The following DCAF6 variants were observed in gnomAD, a reference collection of about 807,000 sequenced individuals.
The protein encoded by DCAF6 is DDB1 and CUL4 associated factor 6.
Under a neutral mutation model 125.1 loss-of-function variants are expected in DCAF6, and 54 were observed. The ratio of observed to expected loss-of-function variants is 0.43; its 90% CI spans 0.35 to 0.54. The LOEUF is 0.54. Ranked by LOEUF, DCAF6 falls within the 20% of genes least tolerant of loss-of-function variation. The pLI is 0.01. For synonymous variants in DCAF6, 371 were observed against 390.4 expected (o/e 0.95, Z 0.58); for missense variants, 934 against 1,161.7 (o/e 0.80, Z 2.85).
intron 10 of DCAF6, among the ~76,000 whole-genome samples, chr1:168,009,144 G>A (rs1007376658): frequency 6.6e-5 from 10 of 150,908 alleles, no homozygotes; most frequent in South Asian, 2.1e-4. Flanking sequence ...GACTACAGGC[G>A]CCTGCCACCA....
chr1:167,893,390 A>G, the DCAF6 span, among the ~76,000 whole-genome samples: 1 of 152,152 alleles, frequency 6.6e-6, no homozygotes, highest in Non-Finnish European at 1.5e-5. Flanking sequence ...GATTTGAACA[A>G]TGAATTTCAC....
At chr1:167,898,170 T>G in the DCAF6 span, among the ~76,000 whole-genome samples, 1 of 151,746 alleles carries the variant, frequency 6.6e-6, no homozygotes, top group East Asian at 1.9e-4. Context: ...TTTTGACTAT[T>G]GCAGTCTTGT....
upstream of DCAF6, among the ~76,000 whole-genome samples, chr1:167,934,356 AC>A (rs1375970195): frequency 1.4e-4 from 21 of 152,152 alleles, no homozygotes; most frequent in African/African-American, 5.1e-4. Context: ...CATTCAGTTG[AC>A]TCTGTAAAGC....
intron 12 of DCAF6, among the ~76,000 whole-genome samples, chr1:168,032,504 C>T (rs1313413944): frequency 6.6e-6 from 1 of 152,154 alleles, no homozygotes; most frequent in East Asian, 1.9e-4. Context: ...AGAAATTTGC[C>T]TTTTCTATAC....
In DCAF6 at chr1:168,038,594, A is replaced by G; in HGVS notation, c.1727+106A>G. On this transcript the variant is annotated intron_variant, in intron 13 of 21. Coordinates refer to ENST00000367840, the MANE Select transcript of DCAF6 (RefSeq NM_001198956.2). The stretch of plus-strand genomic sequence containing the variant: ...TTTATGTTTTGTTTTGCTATAAGGT[A>G]TTGGTTTTCAAACTTGAGTGTGCTT... The G allele has an allele frequency of 5.1e-6, 4 of 784,054 alleles. No homozygotes were observed. In the South Asian group the frequency reaches 7.5e-5, roughly 15 times the overall value. 48.6% of individuals were successfully genotyped at this position (784,054 alleles called of 1,614,324 possible).
chr1:168,036,893 G>A (rs1687885035), intron 12 of DCAF6, among the ~76,000 whole-genome samples: 1 of 152,060 alleles, frequency 6.6e-6, no homozygotes, highest in Admixed American at 6.6e-5. Flanking sequence ...GGGATGTCAG[G>A]TTTATAATTC....
intron 1 of DCAF6, among the ~76,000 whole-genome samples, chr1:167,951,045 CTT>C (rs1410480098): frequency 1.3e-5 from 2 of 152,190 alleles, no homozygotes; most frequent in South Asian, 2.1e-4. Flanking sequence ...TCTTTTATCT[CTT>C]TTTCCTGCTT....
rs557862362 is a variant in DCAF6, at chr1:167,987,469, A to G, written c.439-26A>G. 8.6e-5 allele frequency: 93 copies of G among 1,077,266 alleles called. No homozygotes were observed. The South Asian group carries it at 1.2e-3, about 13-fold the overall frequency. The allele number at this position is 1,077,266 out of a possible 1,614,324, so 66.7% of individuals were successfully genotyped here. ...CGTCTGTTTAAATGTTCGTATGATT[A>G]TCTGCACTTTTCTTTTCATCTTCAG... On this transcript the variant is annotated intron_variant, in intron 4 of 21. Transcript: ENST00000367840.
Position 167,936,808 on chromosome 1 carries a change from C to A in DCAF6, c.-104C>A, listed in dbSNP as rs1020761493. On this transcript the variant is annotated 5_prime_UTR_variant, in exon 1 of 22. Transcript: ENST00000367840. ...AACGCTGCGCCCTGGAGGCCCGGCG[C>A]GCGGATGGTGCCGGTGCGGCTCGGG... 1 of 1,057,846 alleles carries A rather than the reference C, an allele frequency of 9.5e-7. No individual in the cohort carries two copies. The highest frequency in any genetic ancestry group is 1.4e-6 in the Non-Finnish European group (1 of 719,124). The allele number at this position is 1,057,846 out of a possible 1,614,324, so 65.5% of individuals were successfully genotyped here. A position where few individuals can be genotyped will look rare whatever the true frequency, so the allele number is the denominator to read the frequency against.
At chr1:167,880,288 G>T in the DCAF6 span, 5 of 1,194,634 alleles carry the variant, frequency 4.2e-6, no homozygotes, top group South Asian at 5.1e-5. Context: ...GTTGGGAAAG[G>T]GTGGGAAAGG....
At chr1:167,975,613 A>G (rs771253053) in intron 4 of DCAF6, among the ~76,000 whole-genome samples, 17 of 152,204 alleles carry the variant, frequency 1.1e-4, no homozygotes, top group Non-Finnish European at 2.2e-4. Flanking sequence ...TGGCATGACC[A>G]TGGCTCTCTG....
upstream of DCAF6, among the ~76,000 whole-genome samples, chr1:167,933,268 A>G (rs1002555705): frequency 4.6e-5 from 7 of 151,636 alleles, no homozygotes; most frequent in African/African-American, 1.7e-4. Context: ...CCTGGTTTCA[A>G]GTGATTCTCC....
the DCAF6 span, among the ~76,000 whole-genome samples, chr1:167,896,901 T>C: frequency 2.6e-5 from 4 of 152,226 alleles, no homozygotes; most frequent in Admixed American, 6.5e-5. Context: ...ATCTCAATGT[T>C]TGGTATATGT....
intron 14 of DCAF6, 60 bp from the exon 15 acceptor site, chr1:168,044,525 G>T: frequency 1.6e-6 from 2 of 1,272,008 alleles, no homozygotes; most frequent in South Asian, 1.2e-5. Context: ...TATTTTCAGC[G>T]ATTTTAGAAC....
chr1:167,975,664 G>A (rs1275055472), intron 4 of DCAF6, among the ~76,000 whole-genome samples: 2 of 152,134 alleles, frequency 1.3e-5, no homozygotes, highest in Non-Finnish European at 2.9e-5. Flanking sequence ...TCTCACCTCA[G>A]CCTCTTGAGT....
the DCAF6 span, among the ~76,000 whole-genome samples, chr1:167,906,393 G>A: frequency 6.6e-6 from 1 of 152,004 alleles, no homozygotes; most frequent in Non-Finnish European, 1.5e-5. Flanking sequence ...CATTAAAAAT[G>A]CAGCAAAAGA....
the DCAF6 span, among the ~76,000 whole-genome samples, chr1:167,869,986 C>T: frequency 6.6e-6 from 1 of 152,264 alleles, no homozygotes; most frequent in Non-Finnish European, 1.5e-5. Flanking sequence ...CAATTGTTCT[C>T]GATCTGTCTG....
chr1:167,920,621 C>A, the DCAF6 span: 1 of 1,613,412 alleles, frequency 6.2e-7, no homozygotes. Context: ...CAATCCAGCA[C>A]ACACCAACCC....
the DCAF6 span, among the ~76,000 whole-genome samples, chr1:167,911,624 G>C: frequency 2.0e-5 from 3 of 152,218 alleles, no homozygotes; most frequent in South Asian, 6.2e-4. Flanking sequence ...GAACGTGTCA[G>C]GTTATAAATG....
Sources: allele counts gnomAD v4.1 joint callset (sites outside exome capture counted in the v4.1 genomes callset), GRCh38; gene constraint gnomAD v4.1.1; transcripts MANE v1.5; gene names NCBI Gene and HGNC (gene_info 2026-07-23, HGNC 2026-07-21).